Variants in GORASP2 observed in about 807,000 individuals in gnomAD.
GORASP2 encodes golgi reassembly stacking protein 2, also known as Golgi reassembly-stacking protein 2.
A neutral mutation model predicts 45.7 loss-of-function variants in GORASP2; 22 were observed. The observed-to-expected ratio is 0.48, with a 90% CI of 0.34 to 0.69. GORASP2 has a LOEUF of 0.69. GORASP2 is among the 30% of genes least tolerant of loss of function. The pLI, the probability that GORASP2 is intolerant of heterozygous loss-of-function variation, is 0.01. For synonymous variants in GORASP2, 221 were observed against 215.6 expected (o/e 1.02, Z -0.22); for missense variants, 491 against 562.7 (o/e 0.87, Z 1.29).
chr2:170,930,963 T>G (rs1406297583), intron 1 of GORASP2, among the ~76,000 whole-genome samples: 3 of 104,610 alleles, frequency 2.9e-5, no homozygotes, highest in African/African-American at 9.6e-5. Context: ...AACACATTAG[T>G]GTTAATAAGC....
In GORASP2 at chr2:170,930,779, A is replaced by G. The variant is rs2105307614; in HGVS notation, c.63+1376A>G. Among the ~76,000 whole-genome samples, 4 of 152,278 alleles carry G rather than the reference A, an allele frequency of 2.6e-5. No homozygotes were observed. The South Asian group carries it at 8.3e-4, about 32-fold the overall frequency. On this transcript the variant is annotated intron_variant, in intron 1 of 9. Coordinates refer to ENST00000234160, the MANE Select transcript of GORASP2 (RefSeq NM_015530.5). ...AATGGAAGGAGAATTGTCAGTTCCCAAATGTGAGGTGAAAGCTGTGCTTTT... is the reference window on the plus strand; with the variant it reads ...AATGGAAGGAGAATTGTCAGTTCCCGAATGTGAGGTGAAAGCTGTGCTTTT...
rs187443468 is a variant in GORASP2 at position 170,965,622 on chromosome 2, A to G, written c.1019-168A>G. On this transcript the variant is annotated intron_variant, in intron 9 of 9. Transcript: ENST00000234160. ...TCAGGCAGCTGCGATTGTAGGGAAT[A>G]GTTAACCCTGCCAGGGCCTCTATCT... Among the ~76,000 whole-genome samples the G allele has an allele frequency of 8.5e-5, 13 of 152,340 alleles. No individual in the cohort carries two copies. The East Asian group carries it at 1.9e-3, about 23-fold the overall frequency.
intron 1 of GORASP2, among the ~76,000 whole-genome samples, chr2:170,938,478 A>G (rs1048163800): frequency 5.9e-5 from 9 of 152,232 alleles, no homozygotes; most frequent in East Asian, 1.9e-4. Context: ...ATTTTTAAGG[A>G]AATTGTTTTT....
rs1704247086 is a variant in GORASP2, at chr2:170,949,438, A to G, written c.145-101A>G. On this transcript the variant is annotated intron_variant, in intron 2 of 9. Transcript: ENST00000234160. ...TGGTGAAACCTTTGTTGAATGTTTT[A>G]TTTATGTTGATTATTAATATTACTC... The G allele has an allele frequency of 5.4e-6, 4 of 741,906 alleles. No homozygotes were observed. In the Admixed American group the frequency reaches 7.8e-5, roughly 14 times the overall value. The allele number at this position is 741,906 out of a possible 1,614,324, so 46.0% of individuals were successfully genotyped here. A position where few individuals can be genotyped will look rare whatever the true frequency, so the allele number is the denominator to read the frequency against.
chr2:170,946,666 T>A (rs1304696740), intron 1 of GORASP2, among the ~76,000 whole-genome samples: 6 of 150,538 alleles, frequency 4.0e-5, no homozygotes, highest in Non-Finnish European at 7.4e-5. Flanking sequence ...ATGCAGTGGC[T>A]CACACCTGTA....
chr2:170,962,579 A>G (rs1368596796), intron 8 of GORASP2, among the ~76,000 whole-genome samples: 1 of 152,222 alleles, frequency 6.6e-6, no homozygotes, highest in African/African-American at 2.4e-5. Context: ...TTCTTATTCC[A>G]GAGTGTTAAG....
rs923987285 is a variant in GORASP2, at chr2:170,929,275, G to A, written c.-66G>A. The A allele has an allele frequency of 1.5e-5, 19 of 1,234,806 alleles. No homozygotes were observed. The highest frequency in any genetic ancestry group is 1.9e-5 in the Non-Finnish European group (18 of 957,060). 76.5% of individuals were successfully genotyped at this position (1,234,806 alleles called of 1,614,324 possible). ...CCCAAGTGCTACGCGGAGGATTAGA[G>A]CAGGCGGTGCGCTGGGGGCGGGAGC... On this transcript the variant is annotated 5_prime_UTR_variant, in exon 1 of 10. Coordinates refer to ENST00000234160, the MANE Select transcript of GORASP2 (RefSeq NM_015530.5).
At chr2:170,960,269 C>T (rs1441709754) in intron 7 of GORASP2, among the ~76,000 whole-genome samples, 1 of 152,090 alleles carries the variant, frequency 6.6e-6, no homozygotes, top group East Asian at 1.9e-4. Context: ...ACAGTAGGTG[C>T]CCCCCAAAAA....
At chr2:170,943,541 A>G (rs1704122038) in intron 1 of GORASP2, among the ~76,000 whole-genome samples, 1 of 152,232 alleles carries the variant, frequency 6.6e-6, no homozygotes, top group Non-Finnish European at 1.5e-5. Context: ...GAGAAAATTG[A>G]GGCCCAGCGT....
At chr2:170,943,011 T>C (rs1277589219) in intron 1 of GORASP2, among the ~76,000 whole-genome samples, 2 of 152,244 alleles carry the variant, frequency 1.3e-5, no homozygotes, top group Admixed American at 6.5e-5. Context: ...ATTATGTCTT[T>C]TTACTTTCTT....
chr2:170,938,338 C>G (rs551240364), intron 1 of GORASP2, among the ~76,000 whole-genome samples: 1 of 152,280 alleles, frequency 6.6e-6, no homozygotes, highest in Admixed American at 6.5e-5. Flanking sequence ...GCAACAGTTA[C>G]TTTTTGTCTG....
chr2:170,929,141 C>T (rs1379937334), upstream of GORASP2: 3 of 414,402 alleles, frequency 7.2e-6, no homozygotes, highest in Non-Finnish European at 1.3e-5. Flanking sequence ...CTTCCAGTGG[C>T]TCGCGGCAGG....
chr2:170,961,061 T>G (rs1704547974), intron 7 of GORASP2, among the ~76,000 whole-genome samples: 1 of 152,184 alleles, frequency 6.6e-6, no homozygotes, highest in Non-Finnish European at 1.5e-5. Context: ...GAACGTAACC[T>G]CCTCAAGCTA....
chr2:170,951,782 A>G (rs757349683), intron 5 of GORASP2, among the ~76,000 whole-genome samples: 28 of 152,232 alleles, frequency 1.8e-4, no homozygotes, highest in Admixed American at 9.2e-4. Context: ...CAAAAGTTCT[A>G]ATCCCATGCT....
At chr2:170,963,374 CAAAA>C (rs766498214) in intron 9 of GORASP2, among the ~76,000 whole-genome samples, 1 of 76,598 alleles carries the variant, frequency 1.3e-5, no homozygotes, top group Admixed American at 1.5e-4. Context: ...GACTTCATCT[CAAAA>C]AAAAAAAAAA....
At chr2:170,929,552 G>C in intron 1 of GORASP2, 149 bp downstream of exon 1, 1 of 667,136 alleles carries the variant, frequency 1.5e-6, no homozygotes, top group Non-Finnish European at 2.4e-6. Context: ...GGTCGAGGCT[G>C]GTTCCGGAGG....
Position 170,965,997 on chromosome 2 carries a change from C to T in GORASP2, c.1226C>T (p.Ser409Leu). 6.2e-7 allele frequency: 1 copy of T among 1,614,034 alleles called. No individual in the cohort carries two copies. The highest frequency in any genetic ancestry group is 8.5e-7 in the Non-Finnish European group (1 of 1,179,954). Reference protein sequence around the residue: ...TTTAKADAASSLTVDVTPPTA... With the variant: ...TTTAKADAASLLTVDVTPPTA... ...ACTGCAAAGGCAGACGCTGCCTCCT[C>T]ACTCACTGTGGATGTGACGCCCCCC... is the stretch of plus-strand genomic sequence containing the variant. Residue 409 changes from serine (S) to leucine (L), a missense_variant, in exon 10 of 10, where the codon TCA becomes TTA. By Grantham distance (145) the Ser-to-Leu change is moderately radical. This residue lies in a region of GORASP2 where 297 missense variants were observed against 292.3 expected (regional missense o/e 1.02). Transcript: ENST00000234160.
intron 1 of GORASP2, chr2:170,929,746 A>G (rs911274790): frequency 2.7e-5 from 14 of 522,138 alleles, no homozygotes; most frequent in African/African-American, 2.1e-4. Flanking sequence ...TTTAGCTTCC[A>G]AAGTTAGGAA....
intron 5 of GORASP2, 115 bp from the exon 6 acceptor site, chr2:170,954,535 T>C (rs1367135504): frequency 2.8e-6 from 2 of 711,626 alleles, no homozygotes; most frequent in Non-Finnish European, 4.8e-6. Context: ...AGGGAGTGCA[T>C]GTTCAGGGCA....
Sources: gnomAD v4.1 joint callset for allele counts (sites outside exome capture counted in the v4.1 genomes callset) on GRCh38, gnomAD v4.1.1 for gene constraint, gnomAD v4.1.1 regional missense constraint, MANE v1.5 for transcripts, NCBI Gene and HGNC (gene_info 2026-07-23, HGNC 2026-07-21) for gene names.